ARHGEF12: variants seen among roughly 807,000 people sequenced by gnomAD.
The protein encoded by ARHGEF12 is KMT2A/ARHGEF12 fusion protein.
In ARHGEF12, 66 loss-of-function variants were observed where a neutral mutation model predicts 211.2. The observed-to-expected ratio is 0.31, with a 90% confidence interval of 0.26 to 0.38. The LOEUF (loss-of-function observed/expected upper bound fraction) is 0.38. Ranked by LOEUF, ARHGEF12 falls within the 10% of genes least tolerant of loss-of-function variation. The pLI is 1.00. For synonymous variants in ARHGEF12, 592 were observed against 638.4 expected (o/e 0.93, Z 1.09); for missense variants, 1,429 against 1,869.5 (o/e 0.76, Z 4.34).
chr11:120,469,203 T>G, intron 29 of ARHGEF12, 85 bp from the exon 30 acceptor site: 1 of 1,036,460 alleles, frequency 9.6e-7, no homozygotes, highest in African/African-American at 1.6e-5. Flanking sequence ...TTAAAAGTAT[T>G]GAAATGAAAT....
At chr11:120,477,676 C>T (rs1329323241) in intron 36 of ARHGEF12, 150 bp downstream of exon 36, 4 of 610,454 alleles carry the variant, frequency 6.6e-6, no homozygotes, top group Non-Finnish European at 1.1e-5. Context: ...GCCAACCTGA[C>T]CAACATGACA....
intron 28 of ARHGEF12, among the ~76,000 whole-genome samples, chr11:120,465,728 G>A (rs201030455): frequency 3.3e-5 from 5 of 152,138 alleles, no homozygotes; most frequent in Admixed American, 2.0e-4. Context: ...TCGGCCTCCC[G>A]AAGGGATTAC....
intron 39 of ARHGEF12, among the ~76,000 whole-genome samples, chr11:120,483,213 T>A (rs1947300827): frequency 6.6e-6 from 1 of 151,956 alleles, no homozygotes; most frequent in South Asian, 2.1e-4. Flanking sequence ...GCAATGCCAT[T>A]ATTAAGTGCC....
intron 1 of ARHGEF12, among the ~76,000 whole-genome samples, chr11:120,354,311 A>G (rs905663780): frequency 3.9e-5 from 6 of 152,070 alleles, no homozygotes; most frequent in Non-Finnish European, 7.4e-5. Context: ...CCTCTTTCCC[A>G]TTCCCCTGAC....
At position 120,424,424 on chromosome 11, in the gene ARHGEF12, A is replaced by T; in HGVS notation, c.406+9A>T. 6.2e-7 allele frequency: 1 copy of T among 1,611,928 alleles called. No homozygotes were observed. Among genetic ancestry groups the T allele is most frequent in the Non-Finnish European group, 8.5e-7 (1 of 1,178,476 alleles). On this transcript the variant is annotated intron_variant, in intron 7 of 40. Transcript: ENST00000397843. ...GGTGAAGCTAATCAAATGTAGGTGA[A>T]TGTTATTCTTAGTTTTAATTGTTTT...
Position 120,428,072 on chromosome 11 carries a change from G to T in ARHGEF12, c.410G>T (p.Gly137Val). The T allele has an allele frequency of 1.3e-6, 2 of 1,567,230 alleles. No individual in the cohort carries two copies. Among genetic ancestry groups the T allele is most frequent in the Non-Finnish European group, 8.6e-7 (1 of 1,157,302 alleles). Residue 137 changes from glycine (G) to valine (V), a missense_variant, in exon 8 of 41, where the codon GGT (glycine) becomes GTT (valine). This residue lies in a region of ARHGEF12 where 254 missense variants were observed against 286.4 expected (regional missense o/e 0.89). Transcript: ENST00000397843. ...HLEVVKLIKS[G>V]SYVALTVQGR... ...TTTTCCGTCTCCCCACCCCAAGCTG[G>T]TTCCTATGTAGCTCTCACTGTTCAG...
chr11:120,466,898 T>C (rs1329699203), intron 28 of ARHGEF12, among the ~76,000 whole-genome samples: 1 of 152,132 alleles, frequency 6.6e-6, no homozygotes, highest in African/African-American at 2.4e-5. Flanking sequence ...TCTGAATAGG[T>C]GAAGATAAAA....
At chr11:120,422,448 AC>A (rs1945220837) in intron 6 of ARHGEF12, among the ~76,000 whole-genome samples, 1 of 152,222 alleles carries the variant, frequency 6.6e-6, no homozygotes, top group African/African-American at 2.4e-5. Flanking sequence ...TCTTTACAAA[AC>A]AAATAAAACC....
intron 1 of ARHGEF12, among the ~76,000 whole-genome samples, chr11:120,344,910 GTGT>G (rs1299449590): frequency 2.0e-5 from 3 of 152,188 alleles, no homozygotes; most frequent in Non-Finnish European, 4.4e-5. Context: ...AACCATTCAA[GTGT>G]TGTTTTATCA....
At chr11:120,350,809 A>G (rs1000736560) in intron 1 of ARHGEF12, among the ~76,000 whole-genome samples, 1 of 152,196 alleles carries the variant, frequency 6.6e-6, no homozygotes, top group Non-Finnish European at 1.5e-5. Context: ...TTTAGTCACT[A>G]CTTGAAGGAG....
chr11:120,341,946 A>G (rs1410145538), intron 1 of ARHGEF12, among the ~76,000 whole-genome samples: 1 of 152,224 alleles, frequency 6.6e-6, no homozygotes, highest in East Asian at 1.9e-4. Flanking sequence ...CTGTGGTAGT[A>G]TAATTCTTTA....
At chr11:120,452,655 T>G (rs1946246017) in intron 22 of ARHGEF12, among the ~76,000 whole-genome samples, 1 of 152,044 alleles carries the variant, frequency 6.6e-6, no homozygotes, top group Admixed American at 6.6e-5. Flanking sequence ...AGGAAGAGAA[T>G]GTGATAATAT....
intron 20 of ARHGEF12, 146 bp downstream of exon 20, chr11:120,448,494 A>G: frequency 1.6e-6 from 1 of 624,762 alleles, no homozygotes; most frequent in Non-Finnish European, 2.8e-6. Flanking sequence ...CTCTGTTCTC[A>G]AGAAACTCAA....
chr11:120,401,681 C>G (rs1217647356), intron 1 of ARHGEF12, among the ~76,000 whole-genome samples: 1 of 152,168 alleles, frequency 6.6e-6, no homozygotes, highest in Non-Finnish European at 1.5e-5. Flanking sequence ...AAAAAAATCA[C>G]TTTCCCTGCT....
At chr11:120,362,411 C>T (rs1350848857) in intron 1 of ARHGEF12, among the ~76,000 whole-genome samples, 1 of 152,180 alleles carries the variant, frequency 6.6e-6, no homozygotes, top group African/African-American at 2.4e-5. Context: ...GCTTGTGTCT[C>T]ATGGCTATTT....
At position 120,429,829 on chromosome 11, in the gene ARHGEF12, C is replaced by G; in HGVS notation, c.781C>G (p.Gln261Glu). ...EQLSKATGSAQDGAVVTPSRP... is the reference protein window; with the variant it reads ...EQLSKATGSAEDGAVVTPSRP... Reference sequence around the variant, plus strand: ...GTTATCCAAAGCCACAGGCTCTGCTCAGGTAGCATCACTATTACAAGTGCT... The same window carrying G: ...GTTATCCAAAGCCACAGGCTCTGCTGAGGTAGCATCACTATTACAAGTGCT... Residue 261 changes from glutamine (Q) to glutamate (E), a missense_variant and splice_region_variant, in exon 10 of 41, where the codon CAG (glutamine) becomes GAG (glutamate). Coordinates refer to ENST00000397843, the MANE Select transcript of ARHGEF12 (RefSeq NM_015313.3). 6.2e-7 allele frequency: 1 copy of G among 1,609,552 alleles called. No homozygotes were observed. Among genetic ancestry groups the G allele is most frequent in the East Asian group, 2.2e-5 (1 of 44,808 alleles).
chr11:120,395,825 C>G (rs1297629306), intron 1 of ARHGEF12, among the ~76,000 whole-genome samples: 1 of 152,028 alleles, frequency 6.6e-6, no homozygotes, highest in Non-Finnish European at 1.5e-5. Context: ...ATTATGGGAG[C>G]TACAATTCAA....
At chr11:120,464,441 G>T (rs1160447515) in intron 27 of ARHGEF12, 1 of 151,256 alleles carries the variant, frequency 6.6e-6, no homozygotes, top group Admixed American at 6.6e-5. Flanking sequence ...AATTAGCCAG[G>T]CGTGGTGGCA....
chr11:120,380,528 C>T (rs1943848728), intron 1 of ARHGEF12, among the ~76,000 whole-genome samples: 1 of 152,186 alleles, frequency 6.6e-6, no homozygotes, highest in Non-Finnish European at 1.5e-5. Flanking sequence ...GAATGCCCCC[C>T]AGTCTGCGTT....
Sources: gnomAD v4.1 joint callset for allele counts (sites outside exome capture counted in the v4.1 genomes callset) on GRCh38, gnomAD v4.1.1 for gene constraint, gnomAD v4.1.1 regional missense constraint, MANE v1.5 for transcripts, NCBI Gene and HGNC (gene_info 2026-07-23, HGNC 2026-07-21) for gene names.